PLCL1: variants seen among roughly 807,000 people sequenced by gnomAD.
PLCL1 encodes the protein inactive phospholipase C-like protein 1.
Under a neutral mutation model 84.4 loss-of-function variants are expected in PLCL1, and 41 were observed. The observed-to-expected ratio is 0.49, with a 90% CI of 0.38 to 0.63. PLCL1 has a LOEUF of 0.63. Ranked by LOEUF, PLCL1 falls within the 30% of genes least tolerant of loss-of-function variation. PLCL1 has a pLI of 0.00. For synonymous variants in PLCL1, 490 were observed against 488.3 expected (o/e 1.00, Z -0.05); for missense variants, 1,206 against 1,367.8 (o/e 0.88, Z 1.87).
intron 1 of PLCL1, among the ~76,000 whole-genome samples, chr2:197,923,587 T>G (rs1163944392): frequency 6.9e-6 from 1 of 144,854 alleles, no homozygotes; most frequent in Admixed American, 6.8e-5. Flanking sequence ...GCTCCTCACT[T>G]CCTAGATGTG....
At chr2:197,941,627 A>G (rs1487018047) in intron 1 of PLCL1, among the ~76,000 whole-genome samples, 1 of 152,220 alleles carries the variant, frequency 6.6e-6, no homozygotes, top group Non-Finnish European at 1.5e-5. Flanking sequence ...AAAAAGAATG[A>G]GAAATGAGGT....
intron 1 of PLCL1, among the ~76,000 whole-genome samples, chr2:197,897,231 T>TC: frequency 6.6e-6 from 1 of 151,020 alleles, no homozygotes; most frequent in Admixed American, 6.6e-5. Flanking sequence ...TTCCTCTTCT[T>TC]CTTCCTCCTT....
At chr2:197,937,812 G>A (rs903466194) in intron 1 of PLCL1, among the ~76,000 whole-genome samples, 1 of 152,172 alleles carries the variant, frequency 6.6e-6, no homozygotes, top group Admixed American at 6.5e-5. Context: ...GTCCATTAGT[G>A]CCAAAGAGAA....
In PLCL1 at chr2:198,013,471, C is replaced by T. The variant is rs112775027; in HGVS notation, c.241-70287C>T. 2.5e-3 allele frequency among the ~76,000 whole-genome samples: 383 copies of T among 152,034 alleles called. 3 individuals carry two copies. The highest frequency in any genetic ancestry group is 8.9e-3 in the African/African-American group (369 of 41,480). Reference sequence around the variant, plus strand: ...CCATTAATTGACTTTTGGGGTTTACCTTTTGGGTAAATCTTCTTACTCCAA... The same window carrying T: ...CCATTAATTGACTTTTGGGGTTTACTTTTTGGGTAAATCTTCTTACTCCAA... On this transcript the variant is annotated intron_variant, in intron 1 of 5. Coordinates refer to ENST00000428675, the MANE Select transcript of PLCL1 (RefSeq NM_006226.4).
chr2:197,954,286 C>G (rs1434169893), intron 1 of PLCL1, among the ~76,000 whole-genome samples: 2 of 152,084 alleles, frequency 1.3e-5, no homozygotes, highest in Admixed American at 6.6e-5. Context: ...CTGGAATTCT[C>G]AAATGCCAAA....
At chr2:197,977,236 T>C (rs377008496) in intron 1 of PLCL1, among the ~76,000 whole-genome samples, 2 of 152,298 alleles carry the variant, frequency 1.3e-5, no homozygotes, top group Admixed American at 6.5e-5. Context: ...AATTTAGCGA[T>C]CCAATAACAT....
chr2:198,001,851 C>T (rs1029399787), intron 1 of PLCL1: 2 of 197,922 alleles, frequency 1.0e-5, no homozygotes, highest in South Asian at 8.3e-5. Context: ...CATAGGAGCG[C>T]GAAACCCTAT....
intron 1 of PLCL1, among the ~76,000 whole-genome samples, chr2:198,042,281 G>C (rs750290852): frequency 5.9e-5 from 9 of 152,198 alleles, no homozygotes; most frequent in African/African-American, 4.8e-5. Flanking sequence ...ACCAACAGCT[G>C]TCTACCTCTG....
chr2:198,082,709 A>G (rs1692750622), intron 1 of PLCL1, among the ~76,000 whole-genome samples: 2 of 152,206 alleles, frequency 1.3e-5, no homozygotes, highest in Non-Finnish European at 2.9e-5. Context: ...TGGGAATGAT[A>G]GACACAGTGA....
At chr2:197,983,209 T>TTTTTTTTTTTTTTTTTTTTTTTTG in intron 1 of PLCL1, among the ~76,000 whole-genome samples, 1 of 12,660 alleles carries the variant, frequency 7.9e-5, no homozygotes, top group African/African-American at 4.5e-4. Context: ...TCTTTTTTTT[T>TTTTTTTTTTTTTTTTTTTTTTTTG]TTTTTTTTTT....
rs1689924292 is a variant in PLCL1, at chr2:197,974,280, T to C, written c.241-109478T>C. ...ATCAGACAGGCAGCTTGAATTGCTA[T>C]GGAAAGTCCTGGGCTGGAGATTTCA... On this transcript the variant is annotated intron_variant, in intron 1 of 5. Transcript: ENST00000428675. 2.0e-5 allele frequency among the ~76,000 whole-genome samples: 3 copies of C among 152,342 alleles called. No homozygotes were observed. In the South Asian group the frequency reaches 6.2e-4, roughly 32 times the overall value.
intron 1 of PLCL1, among the ~76,000 whole-genome samples, chr2:198,079,834 A>G (rs533019661): frequency 6.6e-6 from 1 of 152,346 alleles, no homozygotes; most frequent in South Asian, 2.1e-4. Flanking sequence ...GATTGAATTC[A>G]ATGTCTGACT....
intron 1 of PLCL1, among the ~76,000 whole-genome samples, chr2:197,844,421 T>A (rs1687079895): frequency 2.0e-5 from 3 of 152,270 alleles, no homozygotes; most frequent in South Asian, 4.1e-4. Flanking sequence ...TTGTGAGATT[T>A]ACCTGTATTT....
chr2:197,836,446 CAA>C (rs35510400), intron 1 of PLCL1, among the ~76,000 whole-genome samples: 305 of 34,466 alleles, frequency 8.8e-3, no homozygotes, highest in African/African-American at 0.03. Flanking sequence ...GACTCCGTCT[CAA>C]AAAAAAAAAA....
At chr2:197,832,932 G>A (rs769090898) in intron 1 of PLCL1, among the ~76,000 whole-genome samples, 2 of 152,166 alleles carry the variant, frequency 1.3e-5, no homozygotes, top group African/African-American at 2.4e-5. Flanking sequence ...TGCAGAAAAG[G>A]CCTTCGATAA....
At chr2:197,997,195 CCA>C (rs1267740106) in intron 1 of PLCL1, among the ~76,000 whole-genome samples, 3 of 152,238 alleles carry the variant, frequency 2.0e-5, no homozygotes. Context: ...GTGGCACAGT[CCA>C]CAGAGTCCGC....
intron 3 of PLCL1, 24 bp downstream of exon 3, chr2:198,089,085 T>G: frequency 6.4e-7 from 1 of 1,553,252 alleles, no homozygotes; most frequent in South Asian, 1.1e-5. Flanking sequence ...ACTCCATATT[T>G]TTTTACGTGT....
intron 1 of PLCL1, among the ~76,000 whole-genome samples, chr2:197,959,724 A>G (rs1185336767): frequency 3.9e-5 from 6 of 152,022 alleles, no homozygotes; most frequent in African/African-American, 1.4e-4. Flanking sequence ...AAAAATCTGT[A>G]TTTCTAGTTT....
intron 5 of PLCL1, among the ~76,000 whole-genome samples, chr2:198,109,986 G>A (rs1352723103): frequency 6.6e-6 from 1 of 151,598 alleles, no homozygotes; most frequent in Non-Finnish European, 1.5e-5. Flanking sequence ...AAACTATGAA[G>A]TAGGTAATCA....
Sources: allele counts gnomAD v4.1 joint callset (sites outside exome capture counted in the v4.1 genomes callset), GRCh38; gene constraint gnomAD v4.1.1; transcripts MANE v1.5; gene names NCBI Gene and HGNC (gene_info 2026-07-23, HGNC 2026-07-21).